SMCP: variants seen among roughly 807,000 people sequenced by gnomAD.
SMCP encodes sperm mitochondrial-associated cysteine-rich protein.
For missense variants in SMCP, 137 were observed against 137.1 expected (o/e 1.00, Z 0.01); for synonymous variants, 41 against 46.9 (o/e 0.87, Z 0.51).
chr1:152,879,747 C>T (rs942909158), intron 1 of SMCP, among the ~76,000 whole-genome samples: 1 of 152,216 alleles, frequency 6.6e-6, no homozygotes, highest in African/African-American at 2.4e-5. Flanking sequence ...GTCAACAAGA[C>T]TGGTTTCCAA....
chr1:152,879,159 A>ACAG (rs1417806239), intron 1 of SMCP, among the ~76,000 whole-genome samples: 1 of 152,236 alleles, frequency 6.6e-6, no homozygotes, highest in African/African-American at 2.4e-5. Context: ...CAGGCTGTGC[A>ACAG]CAGCATGGTT....
At chr1:152,878,644 G>T (rs1333424674) in intron 1 of SMCP, among the ~76,000 whole-genome samples, 198 bp downstream of exon 1, 1 of 152,184 alleles carries the variant, frequency 6.6e-6, no homozygotes, top group Non-Finnish European at 1.5e-5. Context: ...GCCACTGGGG[G>T]TGGGGATAGT....
chr1:152,880,637 C>G (rs1446758239), intron 1 of SMCP, among the ~76,000 whole-genome samples: 2 of 152,254 alleles, frequency 1.3e-5, no homozygotes, highest in East Asian at 3.9e-4. Context: ...TGTCCCCACC[C>G]CCATCCTTTA....
intron 1 of SMCP, among the ~76,000 whole-genome samples, chr1:152,881,865 C>T (rs527906596): frequency 6.6e-6 from 1 of 152,178 alleles, no homozygotes; most frequent in Non-Finnish European, 1.5e-5. Flanking sequence ...GAAGTAAGAA[C>T]AGGGGAAATG....
intron 1 of SMCP, among the ~76,000 whole-genome samples, chr1:152,882,497 G>C (rs1649085276): frequency 6.6e-6 from 1 of 152,158 alleles, no homozygotes; most frequent in African/African-American, 2.4e-5. Flanking sequence ...CAGGACAGAG[G>C]CTGGCCCCTA....
chr1:152,881,178 A>T (rs1033647347), intron 1 of SMCP, among the ~76,000 whole-genome samples: 4 of 152,022 alleles, frequency 2.6e-5, no homozygotes, highest in African/African-American at 9.7e-5. Context: ...CCCCAGATAA[A>T]AAAGGGTTGA....
chr1:152,884,539 G>A lies in SMCP; in HGVS notation c.117G>A (p.Gln39=). 1 of 1,613,776 alleles carries A rather than the reference G, an allele frequency of 6.2e-7. No individual in the cohort carries two copies. Among genetic ancestry groups the A allele is most frequent in the Middle Eastern group, 1.6e-4 (1 of 6,062 alleles). The part of the protein sequence containing the change: ...SKGNQCCPPK[Q]NQCCQPKGSQ... ...GCAATCAATGCTGCCCACCAAAACA[G>A]AACCAGTGCTGCCAGCCAAAAGGCA... is the stretch of plus-strand genomic sequence containing the variant. Residue 39 remains glutamine, a synonymous_variant, in exon 2 of 2, where the codon CAG becomes CAA. Transcript: ENST00000368765.
chr1:152,881,474 G>A (rs1460538125), intron 1 of SMCP, among the ~76,000 whole-genome samples: 5 of 151,650 alleles, frequency 3.3e-5, no homozygotes, highest in African/African-American at 1.2e-4. Flanking sequence ...GGATCATGAG[G>A]TCAGGAGATC....
At chr1:152,882,666 C>CACACAA (rs1237535938) in intron 1 of SMCP, among the ~76,000 whole-genome samples, 1 of 152,110 alleles carries the variant, frequency 6.6e-6, no homozygotes, top group Non-Finnish European at 1.5e-5. Flanking sequence ...GGTGCACACA[C>CACACAA]ACACACACAC....
chr1:152,882,145 A>AT (rs1396747770), intron 1 of SMCP, among the ~76,000 whole-genome samples: 6 of 151,886 alleles, frequency 4.0e-5, no homozygotes, highest in Non-Finnish European at 8.8e-5. Flanking sequence ...CCATTTTTCT[A>AT]TTTTTTGTAG....
chr1:152,882,557 C>G (rs80203710), intron 1 of SMCP, among the ~76,000 whole-genome samples: 1 of 152,178 alleles, frequency 6.6e-6, no homozygotes, highest in African/African-American at 2.4e-5. Flanking sequence ...TGAGAAAGTT[C>G]AAGCAATCTC....
chr1:152,878,473 G>A (rs1648937848), intron 1 of SMCP, 27 bp downstream of exon 1: 1 of 152,564 alleles, frequency 6.6e-6, no homozygotes, highest in Admixed American at 6.5e-5. Context: ...TTGTCTTTTG[G>A]GTCCTCTCTC....
chr1:152,884,962 G>T lies in SMCP; in HGVS notation c.*189G>T. On this transcript the variant is annotated 3_prime_UTR_variant, in exon 2 of 2. Coordinates refer to ENST00000368765, the MANE Select transcript of SMCP (RefSeq NM_030663.3). ...CCTACCCTAGGGAGGCCTCCATCTG[G>T]AAATGGGAGGATGAAGAGGCTAGAA... 1 of 603,904 alleles carries T rather than the reference G, an allele frequency of 1.7e-6. No individual in the cohort carries two copies. The highest frequency in any genetic ancestry group is 3.0e-5 in the Admixed American group (1 of 32,912). 37.4% of individuals were successfully genotyped at this position (603,904 alleles called of 1,614,324 possible).
In SMCP at chr1:152,884,646, A is replaced by G. The variant is rs766288776; in HGVS notation, c.224A>G (p.Glu75Gly). Residue 75 changes from glutamate to glycine, a missense_variant, in exon 2 of 2, where the codon GAG (glutamate) becomes GGG (glycine). Coordinates refer to ENST00000368765, the MANE Select transcript of SMCP (RefSeq NM_030663.3). ...ATTCAGGCCAGGTGCTGTGGTTTGG[A>G]GACCAAGCCTGAAGTCTCACCCCTT... ...CCIQARCCGL[E>G]TKPEVSPLNM... 6.2e-7 allele frequency: 1 copy of G among 1,614,204 alleles called. No homozygotes were observed. The highest frequency in any genetic ancestry group is 1.1e-5 in the South Asian group (1 of 91,074).
chr1:152,884,258 C>A, intron 1 of SMCP, 145 bp from the exon 2 acceptor site: 2 of 694,476 alleles, frequency 2.9e-6, no homozygotes, highest in South Asian at 1.9e-5. Context: ...GGCTGGCTGG[C>A]CTCTCTGAGG....
intron 1 of SMCP, among the ~76,000 whole-genome samples, chr1:152,882,236 G>T (rs372371932): frequency 5.3e-5 from 8 of 152,164 alleles, no homozygotes; most frequent in African/African-American, 1.9e-4. Context: ...CTCCCAAAGT[G>T]CTGGGATTAC....
rs1363262962 is a variant in SMCP, at chr1:152,878,461, C to T, written c.-21+15C>T. 7 of 152,628 alleles carry T rather than the reference C, an allele frequency of 4.6e-5. No individual in the cohort carries two copies. In the East Asian group the frequency reaches 1.2e-3, roughly 25 times the overall value. The allele number at this position is 152,628 out of a possible 1,614,324, so 9.5% of individuals were successfully genotyped here. On this transcript the variant is annotated intron_variant, in intron 1 of 1. Transcript: ENST00000368765. ...GGCCAGACCAGGTAACACAGAGAAACATTGTCTTTTGGGTCCTCTCTCCAT... is the reference window on the plus strand; with the variant it reads ...GGCCAGACCAGGTAACACAGAGAAATATTGTCTTTTGGGTCCTCTCTCCAT...
intron 1 of SMCP, among the ~76,000 whole-genome samples, chr1:152,882,643 C>T (rs1462874514): frequency 6.6e-6 from 1 of 151,612 alleles, no homozygotes; most frequent in East Asian, 1.9e-4. Flanking sequence ...GGACACATGC[C>T]TACATGCACT....
rs1649167854 is a variant in SMCP, at chr1:152,884,800, A to C, written c.*27A>C. The C allele has an allele frequency of 2.5e-6, 4 of 1,593,234 alleles. No individual in the cohort carries two copies. In the African/African-American group the frequency reaches 5.4e-5, roughly 21 times the overall value. On this transcript the variant is annotated 3_prime_UTR_variant, in exon 2 of 2. Transcript: ENST00000368765. ...AGCAGAAGAAGTCAAACAAAGAAGA[A>C]GTCCCTGGGGCCATGCCTTTCACTT... is the stretch of plus-strand genomic sequence containing the variant.
Sources: gnomAD v4.1 joint callset for allele counts (sites outside exome capture counted in the v4.1 genomes callset) on GRCh38, gnomAD v4.1.1 for gene constraint, MANE v1.5 for transcripts, NCBI Gene and HGNC (gene_info 2026-07-23, HGNC 2026-07-21) for gene names.